The following KRT74 variants were observed in gnomAD, a reference collection of about 807,000 sequenced individuals.
KRT74 encodes keratin 74, also known as keratin, type II cytoskeletal 74.
In KRT74, 43 loss-of-function variants were observed where a neutral mutation model predicts 42.7. The observed-to-expected ratio is 1.01, with a 90% CI of 0.79 to 1.30. The LOEUF is 1.30. Among genes scored for constraint, KRT74 ranks in the 50% most tolerant of loss-of-function variants. The probability of loss-of-function intolerance (pLI) is 0.00; values close to 1 mark genes in which losing one functional copy is unlikely to be tolerated. For missense variants in KRT74, 736 were observed against 689.1 expected (o/e 1.07, Z -0.76); for synonymous variants, 302 against 279.0 (o/e 1.08, Z -0.82).
rs1939532599 is a variant in KRT74, at chr12:52,573,761, T to C, written c.17A>G (p.Asn6Ser). ...GCCCTTGTCACCACTGGACTTGATGTTCAGTTGCCGACTCATGGTGGGAAA... is the reference window on the plus strand; with the variant it reads ...GCCCTTGTCACCACTGGACTTGATGCTCAGTTGCCGACTCATGGTGGGAAA... MSRQL[N>S]IKSSGDKGNF... Residue 6 changes from asparagine to serine, a missense_variant, in exon 1 of 9, where the codon AAC (asparagine) becomes AGC (serine). By Grantham distance (46) the Asn-to-Ser change is conservative. Coordinates refer to ENST00000305620, the MANE Select transcript of KRT74 (RefSeq NM_175053.4). The C allele has an allele frequency of 6.2e-7, 1 of 1,613,760 alleles. No individual in the cohort carries two copies. The highest frequency in any genetic ancestry group is 8.5e-7 in the Non-Finnish European group (1 of 1,179,916).
chr12:52,568,099 A>G lies in KRT74; in HGVS notation c.1355+70T>C, dbSNP rs2120636046. The G allele has an allele frequency of 1.9e-6, 3 of 1,545,786 alleles. No individual in the cohort carries two copies. The East Asian group carries it at 6.7e-5, about 35-fold the overall frequency. On this transcript the variant is annotated intron_variant, in intron 7 of 8. Coordinates refer to ENST00000305620, the MANE Select transcript of KRT74 (RefSeq NM_175053.4). Reference sequence around the variant, plus strand: ...ATTGGCACTAACCATGTTGTTCTCCAGGTGGCCCCTCAGCCAGACAGGAGC... The same window carrying G: ...ATTGGCACTAACCATGTTGTTCTCCGGGTGGCCCCTCAGCCAGACAGGAGC...
chr12:52,570,781 A>G lies in KRT74; in HGVS notation c.896T>C (p.Met299Thr). The change falls in exon 5 of 9, where the codon ATG becomes ACG. Residue 299 changes from methionine (M) to threonine (T), a missense_variant. Coordinates refer to ENST00000305620, the MANE Select transcript of KRT74 (RefSeq NM_175053.4). Reference protein sequence around the residue: ...HASETSVILSMDNNRDLDLDS... With the variant: ...HASETSVILSTDNNRDLDLDS... ...AAGGTCCAGGTCCCGGTTGTTGTCC[A>G]TGGACAGGATGACAGAGGTCTCACT... The G allele has an allele frequency of 1.9e-6, 3 of 1,614,238 alleles. No individual in the cohort carries two copies. The highest frequency in any genetic ancestry group is 4.5e-5 in the East Asian group (2 of 44,880).
In KRT74 at chr12:52,572,435, C is replaced by G. The variant is rs536489367; in HGVS notation, c.686+18G>C. 6.2e-7 allele frequency: 1 copy of G among 1,613,458 alleles called. No homozygotes were observed. Among genetic ancestry groups the G allele is most frequent in the Non-Finnish European group, 8.5e-7 (1 of 1,179,414 alleles). ...CACGGGAAACATGGTCTGTGACCCT[C>G]GGGTGGAGCCTGCTCACCTCTTCTT... On this transcript the variant is annotated intron_variant, in intron 2 of 8. Coordinates refer to ENST00000305620, the MANE Select transcript of KRT74 (RefSeq NM_175053.4).
In KRT74 at chr12:52,572,649, G is replaced by A. The variant is rs746596501; in HGVS notation, c.490C>T (p.Gln164Ter). 6.2e-7 allele frequency: 1 copy of A among 1,614,168 alleles called. No individual in the cohort carries two copies. The highest frequency in any genetic ancestry group is 1.1e-5 in the South Asian group (1 of 91,086). ...CACTTGGTTTCTAGAACCTGGTTCT[G>A]CTGCTCTAGGAAGCGTACCTGGAAC... ...FIDKVRFLEQQNQVLETKWEL... is the reference protein window; with the variant it reads ...FIDKVRFLEQ The change falls in exon 2 of 9, where the codon CAG becomes TAG. Residue 164 changes from glutamine (Q) to a stop codon, truncating the protein, a stop_gained. Transcript: ENST00000305620. LOFTEE classifies it high-confidence loss of function.
chr12:52,567,720 TAAA>T, intron 7 of KRT74, 27 bp from the exon 8 acceptor site: 1 of 1,589,230 alleles, frequency 6.3e-7, no homozygotes, highest in Non-Finnish European at 8.6e-7. Context: ...TAGAGAAAGA[TAAA>T]AACTCAGTGT....
chr12:52,568,179 C>T lies in KRT74; in HGVS notation c.1345G>A (p.Glu449Lys), dbSNP rs1939412238. Reference protein sequence around the residue: ...IATYRKLLEGEECRMSGENPS... With the variant: ...IATYRKLLEGKECRMSGENPS... ...CTCCACCCCACCTACCTGCACTCCT[C>T]GCCCTCCAGCAGCTTGCGGTAGGTG... Residue 449 changes from glutamate (E) to lysine (K), a missense_variant, in exon 7 of 9, where the codon GAG (glutamate) becomes AAG (lysine). Physicochemically the swap from Glu to Lys is moderately conservative, Grantham distance 56. Coordinates refer to ENST00000305620, the MANE Select transcript of KRT74 (RefSeq NM_175053.4). 6.2e-7 allele frequency: 1 copy of T among 1,614,154 alleles called. No individual in the cohort carries two copies. The highest frequency in any genetic ancestry group is 8.5e-7 in the Non-Finnish European group (1 of 1,179,994).
In KRT74 at chr12:52,568,399, A is replaced by T. The variant is rs377461829; in HGVS notation, c.1135-10T>A. On this transcript the variant is annotated splice_polypyrimidine_tract_variant and intron_variant, in intron 6 of 8. Transcript: ENST00000305620. Reference sequence around the variant, plus strand: ...TCTCCAGGCTGGCACGCTGAAGGGCAAAGAACAGAGAGACCATCAGAACAG... The same window carrying T: ...TCTCCAGGCTGGCACGCTGAAGGGCTAAGAACAGAGAGACCATCAGAACAG... The T allele has an allele frequency of 4.3e-6, 7 of 1,613,732 alleles. No individual in the cohort carries two copies. In the African/African-American group the frequency reaches 9.3e-5, roughly 22 times the overall value.
At position 52,571,980 on chromosome 12, in the gene KRT74, G is replaced by T; in HGVS notation, c.711C>A (p.Arg237=). Residue 237 remains arginine (R), a synonymous_variant, in exon 3 of 9, where the codon CGC becomes CGA. Transcript: ENST00000305620. The part of the protein sequence containing the change: ...KKRYEVEINR[R]TTAENEFVVL... ...CCACAAACTCATTCTCTGCTGTCGT[G>T]CGCCGGTTAATCTCCACTTCATATC... is the stretch of plus-strand genomic sequence containing the variant. 1 of 1,598,444 alleles carries T rather than the reference G, an allele frequency of 6.3e-7. No individual in the cohort carries two copies. Among genetic ancestry groups the T allele is most frequent in the Non-Finnish European group, 8.6e-7 (1 of 1,166,034 alleles).
rs367561405 is a variant in KRT74, at chr12:52,571,982, G to A, written c.709C>T (p.Arg237Cys). The change falls in exon 3 of 9, where the codon CGC (arginine) becomes TGC (cysteine). Residue 237 changes from arginine (R) to cysteine (C), a missense_variant. Coordinates refer to ENST00000305620, the MANE Select transcript of KRT74 (RefSeq NM_175053.4). ...ACAAACTCATTCTCTGCTGTCGTGC[G>A]CCGGTTAATCTCCACTTCATATCTG... The part of the protein sequence containing the change: ...KKRYEVEINR[R>C]TTAENEFVVL... 3.0e-5 allele frequency: 48 copies of A among 1,598,200 alleles called. No homozygotes were observed. The highest frequency in any genetic ancestry group is 1.1e-4 in the South Asian group (10 of 90,732).
rs1307081748 is a variant in KRT74 at position 52,571,912 on chromosome 12, G to A, written c.747+32C>T. 3 of 1,379,548 alleles carry A rather than the reference G, an allele frequency of 2.2e-6. No individual in the cohort carries two copies. In the African/African-American group the frequency reaches 4.4e-5, roughly 20 times the overall value. 85.5% of individuals were successfully genotyped at this position (1,379,548 alleles called of 1,614,324 possible). ...GAGTTGTTAAGATGGGGGTGCGAGA[G>A]ACCCTAATAAGGAGGCTCCTCCCTC... On this transcript the variant is annotated intron_variant, in intron 3 of 8. Transcript: ENST00000305620.
In KRT74 at chr12:52,567,008, G is replaced by A; in HGVS notation, c.1551C>T (p.Ser517=). 1 of 1,607,604 alleles carries A rather than the reference G, an allele frequency of 6.2e-7. No homozygotes were observed. Among genetic ancestry groups the A allele is most frequent in the Non-Finnish European group, 8.5e-7 (1 of 1,175,798 alleles). The part of the protein sequence containing the change: ...GGDLKDTQGK[S]TPASIPARKA... ...TCCTTGCTGGGATGCTGGCTGGGGT[G>A]CTCTTGCCCTGGGTGTCCTTGAGGT... is the stretch of plus-strand genomic sequence containing the variant. Residue 517 remains serine (S), a synonymous_variant, in exon 9 of 9, where the codon AGC becomes AGT. Coordinates refer to ENST00000305620, the MANE Select transcript of KRT74 (RefSeq NM_175053.4).
chr12:52,572,972 A>T (rs1057193659), intron 1 of KRT74, among the ~76,000 whole-genome samples: 8 of 152,244 alleles, frequency 5.3e-5, no homozygotes, highest in African/African-American at 1.4e-4. Context: ...CTGTACCATG[A>T]GCCCTTCCCT....
Position 52,567,173 on chromosome 12 carries a change from G to C in KRT74, c.1391-5C>G. ...AGCTGCTACTGCTGATGACAGCTGA[G>C]GAGGAGGGGCCAAGAGCAGGGGAGA... On this transcript the variant is annotated splice_region_variant and splice_polypyrimidine_tract_variant and intron_variant, in intron 8 of 8. Transcript: ENST00000305620. The C allele has an allele frequency of 1.9e-6, 3 of 1,585,494 alleles. No homozygotes were observed. Among genetic ancestry groups the C allele is most frequent in the Non-Finnish European group, 2.6e-6 (3 of 1,161,460 alleles).
At chr12:52,569,529 A>AGGTCCAGGTCCCGGTTGTTGTCC (rs1399689819) in intron 6 of KRT74, 1 of 598,066 alleles carries the variant, frequency 1.7e-6, no homozygotes, top group Non-Finnish European at 3.0e-6. Context: ...ACACAGAAAA[A>AGGTCCAGGTCCCGGTTGTTGTCC]ATCTGCAGAA....
rs1167536182 is a variant in KRT74 at position 52,570,668 on chromosome 12, C to A, written c.1008+1G>T. The A allele has an allele frequency of 2.5e-6, 4 of 1,614,232 alleles. No homozygotes were observed. Among genetic ancestry groups the A allele is most frequent in the Non-Finnish European group, 2.5e-6 (3 of 1,180,042 alleles). ...TGGGAGGAGACCCATTCGGTGACCA[C>A]CTTGGTCTGGTACAGGGCCTCGGCC... On this transcript the variant is annotated splice_donor_variant, in intron 5 of 8. Transcript: ENST00000305620. LOFTEE classifies it high-confidence loss of function.
chr12:52,571,056 C>T (rs529769884), intron 4 of KRT74, among the ~76,000 whole-genome samples: 26 of 152,216 alleles, frequency 1.7e-4, no homozygotes, highest in East Asian at 7.7e-4. Context: ...CACATGCAGA[C>T]GGGTGAATAA....
intron 6 of KRT74, 75 bp downstream of exon 6, chr12:52,569,784 C>T (rs1482298838): frequency 4.4e-6 from 7 of 1,596,702 alleles, no homozygotes; most frequent in Non-Finnish European, 6.0e-6. Context: ...TGCTTGTTCC[C>T]AAAGGGCAGG....
chr12:52,569,853 G>T lies in KRT74; in HGVS notation c.1134+6C>A, dbSNP rs755356204. On this transcript the variant is annotated splice_donor_region_variant and intron_variant, in intron 6 of 8. Coordinates refer to ENST00000305620, the MANE Select transcript of KRT74 (RefSeq NM_175053.4). The stretch of plus-strand genomic sequence containing the variant: ...ACCGGGAGTTCTTTGTGGGGCTGCT[G>T]CCCACCTGCTTCTTCACATTCCCGA... 2 of 1,614,138 alleles carry T rather than the reference G, an allele frequency of 1.2e-6. No individual in the cohort carries two copies. Among genetic ancestry groups the T allele is most frequent in the East Asian group, 4.5e-5 (2 of 44,872 alleles).
At position 52,567,011 on chromosome 12, in the gene KRT74, C is replaced by G. The variant is rs758780329; in HGVS notation, c.1548G>C (p.Lys516Asn). The change falls in exon 9 of 9, where the codon AAG (lysine) becomes AAC (asparagine). Residue 516 changes from lysine (K) to asparagine (N), a missense_variant. Coordinates refer to ENST00000305620, the MANE Select transcript of KRT74 (RefSeq NM_175053.4). ...RGGDLKDTQG[K>N]STPASIPARK... is the part of the protein sequence containing the mutation. Reference sequence around the variant, plus strand: ...TTGCTGGGATGCTGGCTGGGGTGCTCTTGCCCTGGGTGTCCTTGAGGTCTC... The same window carrying G: ...TTGCTGGGATGCTGGCTGGGGTGCTGTTGCCCTGGGTGTCCTTGAGGTCTC... 6.2e-7 allele frequency: 1 copy of G among 1,606,812 alleles called. No individual in the cohort carries two copies. Among genetic ancestry groups the G allele is most frequent in the Non-Finnish European group, 8.5e-7 (1 of 1,175,444 alleles).
Sources: allele counts gnomAD v4.1 joint callset (sites outside exome capture counted in the v4.1 genomes callset), GRCh38; gene constraint gnomAD v4.1.1; transcripts MANE v1.5; gene names NCBI Gene and HGNC (gene_info 2026-07-23, HGNC 2026-07-21).